CAMK2D: variants seen among roughly 807,000 people sequenced by gnomAD.
CAMK2D encodes calcium/calmodulin dependent protein kinase II delta.
In CAMK2D, 37 loss-of-function variants were observed where a neutral mutation model predicts 84.0. That is an observed-to-expected ratio of 0.44 (90% CI 0.34 to 0.58). The LOEUF is 0.58. Among genes scored for constraint, CAMK2D ranks in the 20% least tolerant of loss-of-function variants. The pLI is 0.02. For synonymous variants in CAMK2D, 202 were observed against 212.5 expected (o/e 0.95, Z 0.43); for missense variants, 448 against 652.5 (o/e 0.69, Z 3.41).
Position 113,589,893 on chromosome 4 carries a change from G to A in CAMK2D, c.275+19259C>T, listed in dbSNP as rs150141695. ...AAGGACCAAGCCCTTGTACTCCTAC[G>A]TTTAAATGTCTGGGAGATGAGGAAG... is the stretch of plus-strand genomic sequence containing the variant. On this transcript the variant is annotated intron_variant, in intron 4 of 20. Coordinates refer to ENST00000511664, the MANE Select transcript of CAMK2D (RefSeq NM_001321571.2). 3.6e-3 allele frequency among the ~76,000 whole-genome samples: 543 copies of A among 152,218 alleles called. 4 individuals carry two copies. Among genetic ancestry groups the A allele is most frequent in the African/African-American group, 0.013 (521 of 41,536 alleles).
intron 6 of CAMK2D, among the ~76,000 whole-genome samples, chr4:113,539,229 GA>G (rs1380321999): frequency 3.3e-5 from 5 of 152,128 alleles, no homozygotes; most frequent in African/African-American, 7.2e-5. Context: ...AATTAACTTG[GA>G]AAAAGCTCAT....
At chr4:113,600,285 CTCTAGGTGATAA>C (rs879749749) in intron 4 of CAMK2D, among the ~76,000 whole-genome samples, 2 of 152,086 alleles carry the variant, frequency 1.3e-5, no homozygotes, top group Non-Finnish European at 2.9e-5. Context: ...AAATTATGGA[CTCTAGGTGATAA>C]TCATGTACCA....
intron 2 of CAMK2D, among the ~76,000 whole-genome samples, chr4:113,682,109 T>A (rs2099347683): frequency 6.6e-6 from 1 of 152,176 alleles, no homozygotes; most frequent in South Asian, 2.1e-4. Flanking sequence ...AAGATGATAA[T>A]GCTGTACAGG....
chr4:113,731,822 G>A (rs2099569751), intron 2 of CAMK2D, among the ~76,000 whole-genome samples: 1 of 152,126 alleles, frequency 6.6e-6, no homozygotes, highest in Admixed American at 6.5e-5. Flanking sequence ...CTGACCTCAT[G>A]ATCCGCCTGC....
chr4:113,535,968 A>C (rs982978068), intron 7 of CAMK2D, among the ~76,000 whole-genome samples: 1 of 152,162 alleles, frequency 6.6e-6, no homozygotes, highest in African/African-American at 2.4e-5. Flanking sequence ...CATCTCTGTG[A>C]TAGCCCCACT....
intron 4 of CAMK2D, among the ~76,000 whole-genome samples, chr4:113,607,238 G>T (rs925078521): frequency 3.3e-5 from 5 of 151,870 alleles, no homozygotes; most frequent in Non-Finnish European, 7.4e-5. Context: ...TGAAGAGGAA[G>T]CACTACTAGA....
At chr4:113,712,356 T>C (rs921268863) in intron 2 of CAMK2D, among the ~76,000 whole-genome samples, 1 of 152,174 alleles carries the variant, frequency 6.6e-6, no homozygotes, top group Non-Finnish European at 1.5e-5. Context: ...TTCAAATTCA[T>C]ATATTATTTA....
chr4:113,759,377 G>C lies in CAMK2D; in HGVS notation c.103C>G (p.Pro35Ala). Residue 35 changes from proline (P) to alanine (A), a missense_variant, in exon 2 of 21, where the codon CCT becomes GCT. By Grantham distance (27) the Pro-to-Ala change is conservative. This residue lies in a region of CAMK2D where 44 missense variants were observed against 45.6 expected (regional missense o/e 0.96). Transcript: ENST00000511664. ...FSVVRRCMKI[P>A]TGQEYAAKII... The stretch of plus-strand genomic sequence containing the variant: ...TTGGCAGCATATTCTTGTCCAGTAG[G>C]AATTTTCATACATCTTCTCACCACT... 6.2e-7 allele frequency: 1 copy of C among 1,607,134 alleles called. No individual in the cohort carries two copies. The highest frequency in any genetic ancestry group is 8.5e-7 in the Non-Finnish European group (1 of 1,176,120).
chr4:113,687,787 T>C (rs533177312), intron 2 of CAMK2D, among the ~76,000 whole-genome samples: 1 of 152,286 alleles, frequency 6.6e-6, no homozygotes, highest in African/African-American at 2.4e-5. Context: ...TTTATTCTCC[T>C]TTGTCTTTAA....
intron 9 of CAMK2D, among the ~76,000 whole-genome samples, chr4:113,516,039 A>C (rs959797553): frequency 1.2e-4 from 18 of 152,214 alleles, no homozygotes; most frequent in Non-Finnish European, 1.5e-5. Context: ...AAAATGATAG[A>C]ATATCAGGTT....
intron 2 of CAMK2D, among the ~76,000 whole-genome samples, chr4:113,679,681 C>G (rs1227891848): frequency 6.6e-6 from 1 of 151,936 alleles, no homozygotes; most frequent in Admixed American, 6.6e-5. Flanking sequence ...AATTAAAGAA[C>G]AAATAAAGAA....
chr4:113,622,832 G>A (rs1419688538), intron 3 of CAMK2D, among the ~76,000 whole-genome samples: 1 of 152,146 alleles, frequency 6.6e-6, no homozygotes, highest in Non-Finnish European at 1.5e-5. Flanking sequence ...TCCATTGAAT[G>A]ACATGATGAA....
chr4:113,580,774 G>C (rs28485583), intron 4 of CAMK2D, among the ~76,000 whole-genome samples: 12,544 of 151,960 alleles, frequency 0.083, 906 homozygotes, highest in East Asian at 0.19. Context: ...ATGTATTCAG[G>C]GCTCTGAGTG....
chr4:113,601,243 T>A (rs966486741), intron 4 of CAMK2D, among the ~76,000 whole-genome samples: 1 of 151,996 alleles, frequency 6.6e-6, no homozygotes, highest in African/African-American at 2.4e-5. Flanking sequence ...TAGAGAGAAG[T>A]TAATCGTGTA....
At chr4:113,627,707 C>G (rs1374626313) in intron 3 of CAMK2D, among the ~76,000 whole-genome samples, 1 of 152,070 alleles carries the variant, frequency 6.6e-6, no homozygotes, top group Non-Finnish European at 1.5e-5. Flanking sequence ...AGGAAAAGCA[C>G]CAAAACATGG....
At chr4:113,571,177 G>T (rs1191099576) in intron 4 of CAMK2D, among the ~76,000 whole-genome samples, 1 of 152,142 alleles carries the variant, frequency 6.6e-6, no homozygotes, top group African/African-American at 2.4e-5. Context: ...GGGAACCCTG[G>T]TACACTACTG....
intron 4 of CAMK2D, among the ~76,000 whole-genome samples, chr4:113,573,106 A>C (rs1487520978): frequency 6.6e-6 from 1 of 152,222 alleles, no homozygotes; most frequent in East Asian, 1.9e-4. Context: ...GACTTAATAC[A>C]TTAGTGATGT....
chr4:113,547,853 A>C (rs2098594897), intron 5 of CAMK2D, 137 bp from the exon 6 acceptor site: 1 of 483,532 alleles, frequency 2.1e-6, no homozygotes, highest in Admixed American at 3.7e-5. Flanking sequence ...TCATGTAAAC[A>C]TATTGCTCAA....
intron 3 of CAMK2D, among the ~76,000 whole-genome samples, chr4:113,643,906 T>A (rs79305495): frequency 0.019 from 2,939 of 152,304 alleles, 91 homozygotes; most frequent in African/African-American, 0.068. Flanking sequence ...CCAGGCCAGC[T>A]TTACAAGTGA....
Sources: gnomAD v4.1 joint callset for allele counts (sites outside exome capture counted in the v4.1 genomes callset) on GRCh38, gnomAD v4.1.1 for gene constraint, gnomAD v4.1.1 regional missense constraint, MANE v1.5 for transcripts, NCBI Gene and HGNC (gene_info 2026-07-23, HGNC 2026-07-21) for gene names.